The following CDH6 variants were observed in gnomAD, a reference collection of about 807,000 sequenced individuals.
CDH6 encodes cadherin-6.
CDH6 carries 31 observed loss-of-function variants against 78.0 expected under a neutral mutation model. The ratio of observed to expected loss-of-function variants is 0.40; its 90% CI spans 0.30 to 0.54. The LOEUF is 0.54. Ranked by LOEUF, CDH6 falls within the 20% of genes least tolerant of loss-of-function variation. CDH6 has a pLI of 0.56. For missense variants in CDH6, 724 were observed against 975.9 expected, an observed-to-expected ratio of 0.74 and a Z score of 3.44; for synonymous variants, 376 against 368.8, an observed-to-expected ratio of 1.02 and a Z score of -0.23.
intron 2 of CDH6, among the ~76,000 whole-genome samples, chr5:31,293,679 G>C (rs1450633076): frequency 6.6e-6 from 1 of 152,060 alleles, no homozygotes; most frequent in Admixed American, 6.6e-5. Flanking sequence ...TGGCCACCTT[G>C]CTATTGCTCT....
intron 1 of CDH6, among the ~76,000 whole-genome samples, chr5:31,266,136 C>A (rs750856659): frequency 4.0e-5 from 6 of 151,776 alleles, no homozygotes; most frequent in Non-Finnish European, 7.4e-5. Flanking sequence ...GTTTTTTTCG[C>A]CCAAAAATGT....
intron 1 of CDH6, among the ~76,000 whole-genome samples, chr5:31,260,573 A>G (rs557925618): frequency 6.6e-6 from 1 of 152,344 alleles, no homozygotes; most frequent in African/African-American, 2.4e-5. Flanking sequence ...TTATTAATGC[A>G]ATGTGTGGAA....
intron 2 of CDH6, among the ~76,000 whole-genome samples, chr5:31,281,189 T>C (rs1742854476): frequency 6.6e-6 from 1 of 152,152 alleles, no homozygotes; most frequent in South Asian, 2.1e-4. Context: ...AAAAAGTCCA[T>C]TTGCTATTAA....
At chr5:31,282,174 A>G (rs923807936) in intron 2 of CDH6, among the ~76,000 whole-genome samples, 29 of 152,148 alleles carry the variant, frequency 1.9e-4, no homozygotes, top group Non-Finnish European at 7.3e-5. Context: ...GTGGCTTAAC[A>G]CAATATAAAT....
chr5:31,273,106 T>C (rs1020131412), intron 2 of CDH6, among the ~76,000 whole-genome samples: 4 of 152,208 alleles, frequency 2.6e-5, no homozygotes, highest in South Asian at 2.1e-4. Context: ...CCTTTAAAAT[T>C]AGAAATGAGC....
intron 4 of CDH6, among the ~76,000 whole-genome samples, chr5:31,298,662 A>C (rs1382080371): frequency 6.6e-6 from 1 of 152,198 alleles, no homozygotes; most frequent in Non-Finnish European, 1.5e-5. Flanking sequence ...TGAAATTTGA[A>C]AGAAAGTTAA....
rs1411561497 is a variant in CDH6, at chr5:31,323,118, C to T, written c.2183C>T (p.Thr728Ile). Residue 728 changes from threonine (T) to isoleucine (I), a missense_variant, in exon 12 of 12, where the codon ACT becomes ATT. Thr to Ile is a moderately conservative substitution (Grantham distance 89). Coordinates refer to ENST00000265071, the MANE Select transcript of CDH6 (RefSeq NM_004932.4). ...QRLKENDTDP[T>I]APPYDSLATY... ...TTAAAGGAAAATGACACGGACCCCACTGCCCCGCCATACGACTCCTTGGCC... is the reference window on the plus strand; with the variant it reads ...TTAAAGGAAAATGACACGGACCCCATTGCCCCGCCATACGACTCCTTGGCC... 26 of 1,614,080 alleles carry T rather than the reference C, an allele frequency of 1.6e-5. No individual in the cohort carries two copies. Among genetic ancestry groups the T allele is most frequent in the African/African-American group, 2.7e-5 (2 of 74,932 alleles).
intron 1 of CDH6, among the ~76,000 whole-genome samples, chr5:31,242,201 G>A (rs1277665624): frequency 6.6e-6 from 1 of 152,126 alleles, no homozygotes; most frequent in Non-Finnish European, 1.5e-5. Context: ...CAAATCTGTG[G>A]AATTGGAAAA....
In CDH6 at chr5:31,297,150, C is replaced by T. The variant is rs1436242246; in HGVS notation, c.524-139C>T. ...TTCTTTAAAGAATCCAATCCTTTTT[C>T]ACCCAGCATCCTACCAAAGTTCTCG... On this transcript the variant is annotated intron_variant, in intron 3 of 11. Coordinates refer to ENST00000265071, the MANE Select transcript of CDH6 (RefSeq NM_004932.4). 4 of 707,196 alleles carry T rather than the reference C, an allele frequency of 5.7e-6. No homozygotes were observed. The African/African-American group carries it at 7.3e-5, about 13-fold the overall frequency. 43.8% of individuals were successfully genotyped at this position (707,196 alleles called of 1,614,324 possible).
intron 2 of CDH6, among the ~76,000 whole-genome samples, chr5:31,284,595 G>A (rs1742964329): frequency 6.6e-6 from 1 of 152,206 alleles, no homozygotes; most frequent in African/African-American, 2.4e-5. Context: ...CCAGTAGAAG[G>A]ACAAAGAAAT....
intron 1 of CDH6, among the ~76,000 whole-genome samples, chr5:31,245,352 A>G (rs981595801): frequency 6.6e-6 from 1 of 152,060 alleles, no homozygotes; most frequent in Admixed American, 6.5e-5. Context: ...ATAGACCATC[A>G]CTGAGTTTGT....
chr5:31,268,694 A>G (rs893122952), intron 2 of CDH6, among the ~76,000 whole-genome samples: 3 of 152,214 alleles, frequency 2.0e-5, no homozygotes, highest in African/African-American at 7.2e-5. Context: ...TGATTTTAAG[A>G]CATCTATATT....
chr5:31,265,360 C>T (rs1333610407), intron 1 of CDH6, among the ~76,000 whole-genome samples: 4 of 152,108 alleles, frequency 2.6e-5, no homozygotes, highest in Admixed American at 6.5e-5. Context: ...GGCTAATTGT[C>T]GCAGTACTAA....
intron 1 of CDH6, among the ~76,000 whole-genome samples, chr5:31,247,026 C>T (rs1244921813): frequency 1.3e-5 from 2 of 152,242 alleles, no homozygotes; most frequent in African/African-American, 4.8e-5. Context: ...GTTGGGATTA[C>T]AGGCATGAGC....
intron 1 of CDH6, among the ~76,000 whole-genome samples, chr5:31,222,436 C>T (rs139567225): frequency 5.3e-4 from 80 of 152,194 alleles, no homozygotes; most frequent in African/African-American, 1.9e-3. Context: ...ATGCATTTTA[C>T]ATTTTGTCTG....
In CDH6 at chr5:31,232,035, A is replaced by G. The variant is rs560055993; in HGVS notation, c.-128-35311A>G. On this transcript the variant is annotated intron_variant, in intron 1 of 11. Coordinates refer to ENST00000265071, the MANE Select transcript of CDH6 (RefSeq NM_004932.4). ...TTGTATCTTCCCATTCTTGACCTCT[A>G]TGTCAAGTGACTGTTTCAGACTTCA... Among the ~76,000 whole-genome samples the G allele has an allele frequency of 7.2e-5, 11 of 152,262 alleles. No individual in the cohort carries two copies. In the East Asian group the frequency reaches 1.2e-3, roughly 16 times the overall value.
chr5:31,302,963 G>GAAAGAAAGAAAGAAAGAAAGAAAA (rs1737867732), intron 6 of CDH6, among the ~76,000 whole-genome samples: 1 of 81,832 alleles, frequency 1.2e-5, no homozygotes, highest in Non-Finnish European at 2.9e-5. Context: ...AAGAAGGAAA[G>GAAAGAAAGAAAGAAAGAAAGAAAA]AAAAGAAAGA....
chr5:31,199,183 A>G (rs552391836), intron 1 of CDH6, among the ~76,000 whole-genome samples: 1 of 151,742 alleles, frequency 6.6e-6, no homozygotes, highest in South Asian at 2.1e-4. Flanking sequence ...CAAGACAGCA[A>G]CCCCTCACCT....
At chr5:31,236,143 TAGC>T (rs1413045417) in intron 1 of CDH6, among the ~76,000 whole-genome samples, 1 of 152,198 alleles carries the variant, frequency 6.6e-6, no homozygotes, top group Non-Finnish European at 1.5e-5. Context: ...TATATACAAA[TAGC>T]AGTTCTACAC....
Sources: allele counts gnomAD v4.1 joint callset (sites outside exome capture counted in the v4.1 genomes callset), GRCh38; gene constraint gnomAD v4.1.1; transcripts MANE v1.5; gene names NCBI Gene and HGNC (gene_info 2026-07-23, HGNC 2026-07-21).